MPND: variants seen among roughly 807,000 people sequenced by gnomAD.
MPND encodes MPN domain-containing protein.
A neutral mutation model predicts 59.2 loss-of-function variants in MPND; 56 were observed. The ratio of observed to expected loss-of-function variants is 0.95; its 90% CI spans 0.76 to 1.18. The LOEUF (loss-of-function observed/expected upper bound fraction) is 1.18. Ranked by LOEUF, MPND falls within the 50% of genes most tolerant of loss-of-function variation. The pLI, the probability that MPND is intolerant of heterozygous loss-of-function variation, is 0.00. For missense variants in MPND, 671 were observed against 676.0 expected, an observed-to-expected ratio of 0.99 and a Z score of 0.08; for synonymous variants, 323 against 291.9, an observed-to-expected ratio of 1.11 and a Z score of -1.09.
rs949308744 is a variant in MPND, at chr19:4,343,670, G to C, written c.8-38G>C. ...AGGGGCGCGGGGCTGCAGAGCCGTG[G>C]GGCGAGCGGCCTCCCTGCAGCCTCT... On this transcript the variant is annotated intron_variant, in intron 1 of 12. Coordinates refer to ENST00000599840, the MANE Select transcript of MPND (RefSeq NM_001300862.2). 6 of 1,200,000 alleles carry C rather than the reference G, an allele frequency of 5.0e-6. No homozygotes were observed. In the African/African-American group the frequency reaches 9.5e-5, roughly 19 times the overall value. The allele number at this position is 1,200,000 out of a possible 1,614,324, so 74.3% of individuals were successfully genotyped here.
chr19:4,357,315 C>G lies in MPND; in HGVS notation c.1059C>G (p.His353Gln). The G allele has an allele frequency of 6.2e-7, 1 of 1,613,184 alleles. No homozygotes were observed. Among genetic ancestry groups the G allele is most frequent in the South Asian group, 1.1e-5 (1 of 91,060 alleles). The change falls in exon 9 of 13, where the codon CAC (histidine) becomes CAG (glutamine). Residue 353 changes from histidine (H) to glutamine (Q), a missense_variant. His to Gln is a conservative substitution (Grantham distance 24). Transcript: ENST00000599840. ...TGGGCTGGTACCACAGCCACCCACA[C>G]AGCCCGGCGCTGCCATCTCTGCAGG... ...SLVGWYHSHPHSPALPSLQDI... is the reference protein window; with the variant it reads ...SLVGWYHSHPQSPALPSLQDI...
In MPND at chr19:4,354,439, C is replaced by A; in HGVS notation, c.846+19C>A. ...CCTGCTGGTGTGTGGCCCACCCTGT[C>A]TAGGGGCAAGGGGCTCCGGAGCCCA... On this transcript the variant is annotated intron_variant, in intron 6 of 12. Coordinates refer to ENST00000599840, the MANE Select transcript of MPND (RefSeq NM_001300862.2). The A allele has an allele frequency of 6.4e-7, 1 of 1,550,728 alleles. No homozygotes were observed. Among genetic ancestry groups the A allele is most frequent in the South Asian group, 1.2e-5 (1 of 84,078 alleles).
intron 4 of MPND, 30 bp downstream of exon 4, chr19:4,353,059 AG>A: frequency 7.6e-7 from 1 of 1,324,322 alleles, no homozygotes; most frequent in Non-Finnish European, 9.7e-7. Flanking sequence ...GAGGCAGGAC[AG>A]GGGCGGATAC....
intron 1 of MPND, 54 bp downstream of exon 1, chr19:4,343,654 G>T: frequency 1.7e-6 from 2 of 1,202,132 alleles, no homozygotes; most frequent in Non-Finnish European, 2.1e-6. Context: ...CAGGGGCGCG[G>T]GGCTGCAGAG....
At chr19:4,351,931 G>A (rs1972327609) in intron 3 of MPND, among the ~76,000 whole-genome samples, 1 of 149,860 alleles carries the variant, frequency 6.7e-6, no homozygotes, top group Admixed American at 6.7e-5. Flanking sequence ...CCAACACTTT[G>A]GGAGGCTGAG....
rs199768864 is a variant in MPND, at chr19:4,345,969, G to A, written c.519G>A (p.Thr173=). ...TGCACCAGCTGCACACGCCTGCCAC[G>A]GCTGCTGATGAGGTACGTGCTGCAG... is the stretch of plus-strand genomic sequence containing the variant. ...LRLHQLHTPA[T]AADESPASEG... is the part of the protein sequence containing the mutation. The change falls in exon 3 of 13, where the codon ACG becomes ACA. Residue 173 remains threonine (T), a synonymous_variant. Coordinates refer to ENST00000599840, the MANE Select transcript of MPND (RefSeq NM_001300862.2). 2.2e-5 allele frequency: 35 copies of A among 1,612,044 alleles called. No individual in the cohort carries two copies. The East Asian group carries it at 2.9e-4, about 13-fold the overall frequency.
chr19:4,347,304 G>T (rs62129341), intron 3 of MPND: 1 of 149,936 alleles, frequency 6.7e-6, no homozygotes, highest in African/African-American at 2.5e-5. Context: ...ACAGTGGCAC[G>T]ATCTCAGCTC....
chr19:4,357,489 C>A, intron 9 of MPND, 26 bp from the exon 10 acceptor site: 1 of 1,611,750 alleles, frequency 6.2e-7, no homozygotes, highest in Non-Finnish European at 8.5e-7. Flanking sequence ...CTCCCAGGGC[C>A]AACCCCTCTC....
intron 11 of MPND, 58 bp from the exon 12 acceptor site, chr19:4,359,105 C>T (rs375676071): frequency 1.0e-4 from 126 of 1,209,362 alleles, no homozygotes; most frequent in East Asian, 2.8e-4. Flanking sequence ...CCAGGAGAGG[C>T]GCTGAGGTAC....
chr19:4,357,804 C>A, intron 10 of MPND: 1 of 612,510 alleles, frequency 1.6e-6, no homozygotes, highest in Non-Finnish European at 2.9e-6. Context: ...ACAAAGAGGG[C>A]TCCCTTCCTG....
chr19:4,355,726 C>G (rs930969936), intron 8 of MPND, among the ~76,000 whole-genome samples: 2 of 151,612 alleles, frequency 1.3e-5, no homozygotes, highest in African/African-American at 4.9e-5. Context: ...ACCTCAGCCT[C>G]CCAAAGTGTT....
rs944669066 is a variant in MPND, at chr19:4,358,175, G to A, written c.1326+3G>A. The A allele has an allele frequency of 6.4e-7, 1 of 1,550,912 alleles. No individual in the cohort carries two copies. Among genetic ancestry groups the A allele is most frequent in the Admixed American group, 2.0e-5 (1 of 50,980 alleles). ...CCAATGACATCCTTCACGAGATGGT[G>A]AGCTCGCTGCGGGGCGGGCAGGCAG... On this transcript the variant is annotated splice_donor_region_variant and intron_variant, in intron 11 of 12. Transcript: ENST00000599840.
At chr19:4,358,305 C>T (rs1363272744) in intron 11 of MPND, 133 bp downstream of exon 11, 2 of 755,136 alleles carry the variant, frequency 2.6e-6, no homozygotes, top group South Asian at 1.7e-5. Context: ...GTTAGGGCTT[C>T]TTCCATCACT....
intron 5 of MPND, 70 bp from the exon 6 acceptor site, chr19:4,354,254 G>A (rs1484702884): frequency 2.7e-6 from 4 of 1,500,446 alleles, no homozygotes; most frequent in Non-Finnish European, 3.6e-6. Context: ...TGGGGTTGGG[G>A]GAGTCAGTGT....
chr19:4,359,774 C>T (rs572829968), intron 12 of MPND, 142 bp from the exon 13 acceptor site: 1 of 626,952 alleles, frequency 1.6e-6, no homozygotes, highest in Non-Finnish European at 2.8e-6. Flanking sequence ...GGGTAAGCAG[C>T]AGGCTGTGCT....
At chr19:4,345,194 C>A (rs555520199) in intron 2 of MPND, among the ~76,000 whole-genome samples, 1 of 149,456 alleles carries the variant, frequency 6.7e-6, no homozygotes, top group African/African-American at 2.5e-5. Flanking sequence ...TTACAGGCAC[C>A]CGCCACCACG....
chr19:4,354,883 G>A, intron 6 of MPND, 66 bp from the exon 7 acceptor site: 2 of 1,462,738 alleles, frequency 1.4e-6, no homozygotes, highest in Non-Finnish European at 1.9e-6. Flanking sequence ...GAGGGCACAG[G>A]CTGGCTCCAG....
chr19:4,359,528 A>G (rs12462529), intron 12 of MPND, among the ~76,000 whole-genome samples: 31,749 of 152,016 alleles, frequency 0.21, 3,546 homozygotes, highest in Admixed American at 0.29. Flanking sequence ...GGTCCTGGCC[A>G]CCCCTGAGTG....
chr19:4,352,846 G>C, intron 3 of MPND, 51 bp from the exon 4 acceptor site: 1 of 1,312,940 alleles, frequency 7.6e-7, no homozygotes. Context: ...GGGAGCGGGG[G>C]GGCACCCAGC....
Sources: allele counts gnomAD v4.1 joint callset (sites outside exome capture counted in the v4.1 genomes callset), GRCh38; gene constraint gnomAD v4.1.1; transcripts MANE v1.5; gene names NCBI Gene and HGNC (gene_info 2026-07-23, HGNC 2026-07-21).